SASS6: variants seen among roughly 807,000 people sequenced by gnomAD.
SASS6 encodes the protein SAS-6 centriolar assembly protein.
A neutral mutation model predicts 94.9 loss-of-function variants in SASS6; 59 were observed. The observed-to-expected ratio is 0.62, with a 90% CI of 0.50 to 0.77. The LOEUF is 0.77. Ranked by LOEUF, SASS6 falls within the 30% of genes least tolerant of loss-of-function variation. The probability of loss-of-function intolerance (pLI) is 0.00; values close to 1 mark genes in which losing one functional copy is unlikely to be tolerated. For synonymous variants in SASS6, 264 were observed against 270.0 expected (o/e 0.98, Z 0.22); for missense variants, 698 against 734.1 (o/e 0.95, Z 0.57).
In SASS6 at chr1:100,107,354, A is replaced by C. The variant is rs1450664752; in HGVS notation, c.1326+20T>G. 2.0e-6 allele frequency: 3 copies of C among 1,501,330 alleles called. No homozygotes were observed. The highest frequency in any genetic ancestry group is 2.7e-6 in the Non-Finnish European group (3 of 1,103,044). The allele number at this position is 1,501,330 out of a possible 1,614,324, so 93.0% of individuals were successfully genotyped here. A position where few individuals can be genotyped will look rare whatever the true frequency, so the allele number is the denominator to read the frequency against. ...AGGAAAAAATTTAGTTACAACATAA[A>C]AATTTAAAATATTAACTACCTCTTG... is the stretch of plus-strand genomic sequence containing the variant. On this transcript the variant is annotated intron_variant, in intron 11 of 16. Coordinates refer to ENST00000287482, the MANE Select transcript of SASS6 (RefSeq NM_194292.3).
In SASS6 at chr1:100,083,803, CAA is replaced by C. The variant is rs1391614503; in HGVS notation, c.*1523_*1524del. The C allele has an allele frequency of 6.6e-6, 1 of 151,746 alleles. No individual in the cohort carries two copies. Among genetic ancestry groups the C allele is most frequent in the Non-Finnish European group, 1.5e-5 (1 of 67,902 alleles). The allele number at this position is 151,746 out of a possible 1,614,324, so 9.4% of individuals were successfully genotyped here. Reference sequence around the variant, plus strand: ...TCAACTTTCCTTGTGTATATATATGCAAAGAGATACCTATATTTTAAAAAAGA... The same window carrying C: ...TCAACTTTCCTTGTGTATATATATGCAGAGATACCTATATTTTAAAAAAGA... On this transcript the variant is annotated 3_prime_UTR_variant, in exon 17 of 17. Coordinates refer to ENST00000287482, the MANE Select transcript of SASS6 (RefSeq NM_194292.3).
In SASS6 at chr1:100,107,717, C is replaced by A; in HGVS notation, c.1057G>T (p.Val353Leu). 2 of 1,588,908 alleles carry A rather than the reference C, an allele frequency of 1.3e-6. No homozygotes were observed. Among genetic ancestry groups the A allele is most frequent in the Non-Finnish European group, 8.6e-7 (1 of 1,162,480 alleles). Residue 353 changes from valine to leucine, a missense_variant and splice_region_variant, in exon 10 of 17, where the codon GTG (valine) becomes TTG (leucine). By Grantham distance (32) the Val-to-Leu change is conservative. Coordinates refer to ENST00000287482, the MANE Select transcript of SASS6 (RefSeq NM_194292.3). Reference sequence around the variant, plus strand: ...TTCTCACCATTTTCTTCTAAAACCACCTGATATATTTTTTAAAAACATGAA... The same window carrying A: ...TTCTCACCATTTTCTTCTAAAACCAACTGATATATTTTTTAAAAACATGAA... Reference protein sequence around the residue: ...EAFDTIQEQKVVLEENGEKNQ... With the variant: ...EAFDTIQEQKLVLEENGEKNQ...
intron 1 of SASS6, among the ~76,000 whole-genome samples, chr1:100,126,530 C>T (rs776306385): frequency 6.6e-6 from 1 of 152,138 alleles, no homozygotes; most frequent in Non-Finnish European, 1.5e-5. Flanking sequence ...GTAATCCTGG[C>T]ACTTTGGGTG....
Position 100,120,379 on chromosome 1 carries a change from T to G in SASS6, c.549+15A>C. The G allele has an allele frequency of 2.2e-5, 30 of 1,355,758 alleles. No homozygotes were observed. Among genetic ancestry groups the G allele is most frequent in the Non-Finnish European group, 2.9e-5 (27 of 946,492 alleles). 84.0% of individuals were successfully genotyped at this position (1,355,758 alleles called of 1,614,324 possible). A position where few individuals can be genotyped will look rare whatever the true frequency, so the allele number is the denominator to read the frequency against. On this transcript the variant is annotated intron_variant, in intron 6 of 16. Coordinates refer to ENST00000287482, the MANE Select transcript of SASS6 (RefSeq NM_194292.3). ...GTCTGGATGACTTACAAAGACAAAA[T>G]GAAATTTGAATTACCTTTCGTGTAA...
intron 14 of SASS6, among the ~76,000 whole-genome samples, chr1:100,102,174 T>C (rs1249775431): frequency 6.6e-6 from 1 of 152,014 alleles, no homozygotes; most frequent in Non-Finnish European, 1.5e-5. Context: ...CCTTAACAAA[T>C]ATATCAAGGG....
At position 100,130,549 on chromosome 1, in the gene SASS6, C is replaced by T. The variant is rs182787293; in HGVS notation, c.65+2201G>A. 5.2e-4 allele frequency among the ~76,000 whole-genome samples: 79 copies of T among 152,022 alleles called. 1 individual carries two copies. Among genetic ancestry groups the T allele is most frequent in the Non-Finnish European group, 8.2e-4 (56 of 67,950 alleles). ...AAATTAACAACAAAAAAAAGCCAGG[C>T]GTGGTGGTATGCGCCTGTAATTGCA... On this transcript the variant is annotated intron_variant, in intron 1 of 16. Coordinates refer to ENST00000287482, the MANE Select transcript of SASS6 (RefSeq NM_194292.3).
At chr1:100,110,706 CA>C (rs1653259458) in intron 7 of SASS6, among the ~76,000 whole-genome samples, 2 of 151,938 alleles carry the variant, frequency 1.3e-5, no homozygotes, top group East Asian at 1.9e-4. Context: ...AATTTACCAC[CA>C]TGATCTTGTT....
chr1:100,098,510 T>C (rs1652254564), intron 14 of SASS6, among the ~76,000 whole-genome samples: 1 of 152,094 alleles, frequency 6.6e-6, no homozygotes, highest in Non-Finnish European at 1.5e-5. Flanking sequence ...CAAGAAAATG[T>C]TAATTAACAT....
intron 7 of SASS6, among the ~76,000 whole-genome samples, chr1:100,111,561 T>C (rs1191463361): frequency 1.3e-5 from 2 of 152,034 alleles, no homozygotes; most frequent in Non-Finnish European, 2.9e-5. Flanking sequence ...TGATCAATTA[T>C]AGAATAAAGA....
At position 100,085,637 on chromosome 1, in the gene SASS6, A is replaced by C; in HGVS notation, c.1773-7T>G. ...CAACCCTACATTTTCACCACTTAAA[A>C]AGAAAATGGTAATAACTTATTTAAC... On this transcript the variant is annotated splice_region_variant and splice_polypyrimidine_tract_variant and intron_variant, in intron 15 of 16. Transcript: ENST00000287482. 6.5e-7 allele frequency: 1 copy of C among 1,535,036 alleles called. No homozygotes were observed. Among genetic ancestry groups the C allele is most frequent in the Non-Finnish European group, 9.0e-7 (1 of 1,111,002 alleles).
intron 14 of SASS6, among the ~76,000 whole-genome samples, chr1:100,092,633 A>G (rs562272332): frequency 6.6e-6 from 1 of 151,978 alleles, no homozygotes. Context: ...TAGAGTGCAG[A>G]GGCGCAATCT....
intron 14 of SASS6, among the ~76,000 whole-genome samples, chr1:100,097,854 A>C (rs1240100430): frequency 2.6e-5 from 4 of 152,184 alleles, no homozygotes; most frequent in Non-Finnish European, 5.9e-5. Context: ...AAGACACACA[A>C]AAAAACTACA....
At position 100,110,098 on chromosome 1, in the gene SASS6, C is replaced by T. The variant is rs370349780; in HGVS notation, c.861+194G>A. On this transcript the variant is annotated intron_variant, in intron 8 of 16. Transcript: ENST00000287482. ...AAGACCCTAACTAAAAATATTCAAG[C>T]TTACCTCAGTTCTGTTATGAATTAT... Among the ~76,000 whole-genome samples, 3 of 151,994 alleles carry T rather than the reference C, an allele frequency of 2.0e-5. No individual in the cohort carries two copies. In the South Asian group the frequency reaches 6.2e-4, roughly 31 times the overall value.
chr1:100,101,901 T>C (rs1322127121), intron 14 of SASS6, among the ~76,000 whole-genome samples: 1 of 152,076 alleles, frequency 6.6e-6, no homozygotes, highest in Non-Finnish European at 1.5e-5. Context: ...ATTTTTAGAG[T>C]AGCCCAGACC....
chr1:100,106,881 C>T, intron 12 of SASS6, 31 bp downstream of exon 12: 1 of 918,740 alleles, frequency 1.1e-6, no homozygotes, highest in Non-Finnish European at 1.8e-6. Context: ...AAACTACAAA[C>T]CTCATTTACA....
At chr1:100,102,791 T>C (rs1652602291) in intron 14 of SASS6, among the ~76,000 whole-genome samples, 164 bp downstream of exon 14, 1 of 152,122 alleles carries the variant, frequency 6.6e-6, no homozygotes, top group South Asian at 2.1e-4. Flanking sequence ...ATATATTTCC[T>C]GTACACATAG....
At chr1:100,129,849 C>G (rs1654872072) in intron 1 of SASS6, among the ~76,000 whole-genome samples, 1 of 152,162 alleles carries the variant, frequency 6.6e-6, no homozygotes, top group Admixed American at 6.5e-5. Flanking sequence ...GCATAATTTT[C>G]CACCAGATGA....
chr1:100,110,580 TTTTTTC>T (rs1431458307), intron 7 of SASS6, 97 bp from the exon 8 acceptor site: 5 of 590,874 alleles, frequency 8.5e-6, no homozygotes, highest in East Asian at 6.7e-5. Flanking sequence ...TAATTTCTTA[TTTTTTC>T]TTTTTCTTTT....
chr1:100,120,566 G>A lies in SASS6; in HGVS notation c.484-107C>T, dbSNP rs1057094027. 11 of 599,246 alleles carry A rather than the reference G, an allele frequency of 1.8e-5. No homozygotes were observed. In the East Asian group the frequency reaches 2.8e-4, roughly 15 times the overall value. The allele number at this position is 599,246 out of a possible 1,614,324, so 37.1% of individuals were successfully genotyped here. ...ATCCTGGAAGCCTGTTAGAAATGCA[G>A]ATTCTTAGGCTCCATCTCAAATCTA... On this transcript the variant is annotated intron_variant, in intron 5 of 16. Coordinates refer to ENST00000287482, the MANE Select transcript of SASS6 (RefSeq NM_194292.3).
Sources: gnomAD v4.1 joint callset for allele counts (sites outside exome capture counted in the v4.1 genomes callset) on GRCh38, gnomAD v4.1.1 for gene constraint, MANE v1.5 for transcripts, NCBI Gene and HGNC (gene_info 2026-07-23, HGNC 2026-07-21) for gene names.